Variants in EVPL observed in about 807,000 individuals in gnomAD.
The protein encoded by EVPL is 210 kDa cornified envelope precursor protein.
EVPL carries 94 observed loss-of-function variants against 129.7 expected under a neutral mutation model. That is an observed-to-expected ratio of 0.72 (90% CI 0.61 to 0.86). The LOEUF is 0.86. Among genes scored for constraint, EVPL ranks in the 40% least tolerant of loss-of-function variants. The probability of loss-of-function intolerance (pLI) is 0.00; values close to 1 mark genes in which losing one functional copy is unlikely to be tolerated. For missense variants in EVPL, 2,625 were observed against 2,721.1 expected, an observed-to-expected ratio of 0.96 and a Z score of 0.79; for synonymous variants, 1,172 against 1,191.1, an observed-to-expected ratio of 0.98 and a Z score of 0.33.
chr17:76,008,509 G>A lies in EVPL; in HGVS notation c.4696C>T (p.Arg1566Trp), dbSNP rs753898829. ...CAGGTTCTCCCCAGCGTCTCGGCCC[G>A]GTCAATGCGCTCCCGCAGGCGCCGT... ...EARRLRERID[R>W]AETLGRTWSR... is the part of the protein sequence containing the mutation. The change falls in exon 22 of 22, where the codon CGG (arginine) becomes TGG (tryptophan). Residue 1566 changes from arginine (R) to tryptophan (W), a missense_variant. Transcript: ENST00000301607. This position sits in a 1 kb window ranked among gnomAD's most constrained non-coding sequence, Gnocchi z 7.4. 7.0e-5 allele frequency: 112 copies of A among 1,604,434 alleles called. No homozygotes were observed. In the South Asian group the frequency reaches 1.2e-3, roughly 17 times the overall value.
chr17:76,021,838 C>T (rs2066462570), intron 7 of EVPL, 29 bp downstream of exon 7: 1 of 1,564,884 alleles, frequency 6.4e-7, no homozygotes, highest in Non-Finnish European at 8.6e-7. Context: ...CTGGCCGCCC[C>T]CACCTGGCCC....
At position 76,009,891 on chromosome 17, in the gene EVPL, C is replaced by G; in HGVS notation, c.3314G>C (p.Arg1105Pro). The G allele has an allele frequency of 6.2e-7, 1 of 1,614,134 alleles. No homozygotes were observed. The highest frequency in any genetic ancestry group is 2.2e-5 in the East Asian group (1 of 44,880). The change falls in exon 22 of 22, where the codon CGG (arginine) becomes CCG (proline). Residue 1105 changes from arginine to proline, a missense_variant. Around this residue, in one of 4 missense-constraint regions of EVPL, gnomAD observed 1,453 missense variants for 1,511.8 expected, o/e 0.96. Coordinates refer to ENST00000301607, the MANE Select transcript of EVPL (RefSeq NM_001988.4). The surrounding 1 kb of genome is among the most constrained non-coding windows in gnomAD (Gnocchi z 5.9). ...LRLQMEEDAARRKQAEEAVAK... is the reference protein window; with the variant it reads ...LRLQMEEDAAPRKQAEEAVAK... ...CACAGCCTCCTCCGCCTGCTTCCTC[C>G]GCGCAGCATCCTCCTCCATCTGCAG...
rs1298730990 is a variant in EVPL at position 76,008,678 on chromosome 17, G to A, written c.4527C>T (p.Leu1509=). ...TCTTCTCCTGCGATTTGGCTTTCTGGAGGACGTCAATCTGGACCTGCAGGT... is the reference window on the plus strand; with the variant it reads ...TCTTCTCCTGCGATTTGGCTTTCTGAAGGACGTCAATCTGGACCTGCAGGT... The part of the protein sequence containing the change: ...CKNLQVQIDV[L]QKAKSQEKTI... Residue 1509 remains leucine (L), a synonymous_variant, in exon 22 of 22, where the codon CTC becomes CTT. Coordinates refer to ENST00000301607, the MANE Select transcript of EVPL (RefSeq NM_001988.4). This position sits in a 1 kb window ranked among gnomAD's most constrained non-coding sequence, Gnocchi z 7.4. 1 of 1,612,924 alleles carries A rather than the reference G, an allele frequency of 6.2e-7. No homozygotes were observed. The highest frequency in any genetic ancestry group is 1.7e-5 in the Admixed American group (1 of 60,016).
chr17:76,015,866 G>A (rs934963341), intron 14 of EVPL, among the ~76,000 whole-genome samples: 1 of 152,204 alleles, frequency 6.6e-6, no homozygotes, highest in African/African-American at 2.4e-5. Flanking sequence ...AGGAGGGGCC[G>A]GGCGCAGTGG....
chr17:76,007,487 G>C lies in EVPL; in HGVS notation c.5718C>G (p.Ile1906Met), dbSNP rs777708208. 2 of 1,612,500 alleles carry C rather than the reference G, an allele frequency of 1.2e-6. No homozygotes were observed. The highest frequency in any genetic ancestry group is 2.7e-5 in the African/African-American group (2 of 74,878). ...LLNAQKAFTGIEDPVTKKRLS... is the reference protein window; with the variant it reads ...LLNAQKAFTGMEDPVTKKRLS... ...GCCTCTTCTTGGTGACGGGGTCCTC[G>C]ATGCCGGTGAAGGCCTTCTGGGCGT... The change falls in exon 22 of 22, where the codon ATC becomes ATG. Residue 1906 changes from isoleucine to methionine, a missense_variant. Around this residue, in one of 4 missense-constraint regions of EVPL, gnomAD observed 1,453 missense variants for 1,511.8 expected, o/e 0.96. Transcript: ENST00000301607. This position sits in a 1 kb window ranked among gnomAD's most constrained non-coding sequence, Gnocchi z 8.8.
At chr17:76,011,325 C>T (rs2066374733) in intron 21 of EVPL, among the ~76,000 whole-genome samples, 1 of 152,190 alleles carries the variant, frequency 6.6e-6, no homozygotes, top group African/African-American at 2.4e-5. Context: ...GGAGGATGCC[C>T]AGTGGCCATG....
At chr17:76,010,835 C>A (rs555555514) in intron 21 of EVPL, among the ~76,000 whole-genome samples, 1 of 152,146 alleles carries the variant, frequency 6.6e-6, no homozygotes, top group Non-Finnish European at 1.5e-5. Flanking sequence ...CCAAGGTGGG[C>A]GGATCACCTG....
At chr17:76,012,768 G>A (rs1384408661) in intron 18 of EVPL, among the ~76,000 whole-genome samples, 3 of 145,854 alleles carry the variant, frequency 2.1e-5, no homozygotes, top group Non-Finnish European at 3.0e-5. Context: ...TTTTTGAGAC[G>A]GAGTCTTGCT....
In EVPL at chr17:76,008,744, C is replaced by T. The variant is rs1268762342; in HGVS notation, c.4461G>A (p.Gln1487=). ...STEALRWDLD[Q]EKTQVTELNR... ...TCAGCTCGGTTACCTGGGTCTTCTC[C>T]TGGTCCAGGTCCCACCGCAGGGCTT... Residue 1487 remains glutamine, a synonymous_variant, in exon 22 of 22, where the codon CAG becomes CAA. Coordinates refer to ENST00000301607, the MANE Select transcript of EVPL (RefSeq NM_001988.4). This position sits in a 1 kb window ranked among gnomAD's most constrained non-coding sequence, Gnocchi z 7.4. The T allele has an allele frequency of 3.7e-6, 6 of 1,614,160 alleles. No homozygotes were observed. The highest frequency in any genetic ancestry group is 5.1e-6 in the Non-Finnish European group (6 of 1,180,040).
chr17:76,025,463 G>A, intron 1 of EVPL, among the ~76,000 whole-genome samples: 1 of 152,178 alleles, frequency 6.6e-6, no homozygotes, highest in East Asian at 1.9e-4. Context: ...CCCAGGCCAG[G>A]AGCGCACTGC....
chr17:76,012,767 C>T (rs1188518906), intron 18 of EVPL, among the ~76,000 whole-genome samples: 7 of 129,194 alleles, frequency 5.4e-5, no homozygotes, highest in Non-Finnish European at 7.9e-5. Context: ...TTTTTTGAGA[C>T]GGAGTCTTGC....
intron 1 of EVPL, among the ~76,000 whole-genome samples, chr17:76,026,103 A>G (rs1237755823): frequency 6.6e-6 from 1 of 151,702 alleles, no homozygotes; most frequent in Non-Finnish European, 1.5e-5. Flanking sequence ...CACTACATCC[A>G]GATAATTTTT....
At chr17:76,010,577 G>A (rs1438728980) in intron 21 of EVPL, 34 bp from the exon 22 acceptor site, 3 of 1,570,176 alleles carry the variant, frequency 1.9e-6, no homozygotes, top group East Asian at 4.5e-5. Flanking sequence ...GCACGGGGTG[G>A]GCGGTAGAGA....
At chr17:76,021,609 C>CCCCG in intron 8 of EVPL, 46 bp from the exon 9 acceptor site, 1 of 1,283,922 alleles carries the variant, frequency 7.8e-7, no homozygotes, top group Non-Finnish European at 1.0e-6. Flanking sequence ...CCCCCCACGT[C>CCCCG]CGCCCCACCT....
At chr17:76,021,608 T>TGCCCCCC in intron 8 of EVPL, 45 bp from the exon 9 acceptor site, 1 of 1,172,452 alleles carries the variant, frequency 8.5e-7, no homozygotes, top group Non-Finnish European at 1.1e-6. Context: ...CCCCCCCACG[T>TGCCCCCC]CCGCCCCACC....
In EVPL at chr17:76,015,502, C is replaced by T. The variant is rs377661072; in HGVS notation, c.1837G>A (p.Val613Met). 7 of 1,613,138 alleles carry T rather than the reference C, an allele frequency of 4.3e-6. No individual in the cohort carries two copies. The South Asian group carries it at 7.7e-5, about 18-fold the overall frequency. Residue 613 changes from valine (V) to methionine (M), a missense_variant, in exon 15 of 22, where the codon GTG becomes ATG. Coordinates refer to ENST00000301607, the MANE Select transcript of EVPL (RefSeq NM_001988.4). Reference sequence around the variant, plus strand: ...TGCACGTCACTGAACTTGTTCTTCACGCTGTTGAGGGCTACGGGCAGCTGC... The same window carrying T: ...TGCACGTCACTGAACTTGTTCTTCATGCTGTTGAGGGCTACGGGCAGCTGC... ...ALQLPVALNS[V>M]KNKFSDVQVL...
chr17:76,008,460 T>C lies in EVPL; in HGVS notation c.4745A>G (p.Gln1582Arg). ...CTGGTCGGCCTGGTCCCGGGCCCTC[T>C]GCAGCTCGGACTCCTCCCGGGACCA... is the stretch of plus-strand genomic sequence containing the variant. Reference protein sequence around the residue: ...RTWSREESELQRARDQADQEC... With the variant: ...RTWSREESELRRARDQADQEC... Residue 1582 changes from glutamine to arginine, a missense_variant, in exon 22 of 22, where the codon CAG becomes CGG. Gln to Arg is a conservative substitution (Grantham distance 43). Coordinates refer to ENST00000301607, the MANE Select transcript of EVPL (RefSeq NM_001988.4). This position sits in a 1 kb window ranked among gnomAD's most constrained non-coding sequence, Gnocchi z 7.4. 18 of 1,595,084 alleles carry C rather than the reference T, an allele frequency of 1.1e-5. No individual in the cohort carries two copies. Among genetic ancestry groups the C allele is most frequent in the Non-Finnish European group, 1.5e-5 (18 of 1,176,092 alleles).
chr17:76,019,385 T>G, intron 10 of EVPL, 143 bp downstream of exon 10: 7 of 1,121,468 alleles, frequency 6.2e-6, no homozygotes, highest in Non-Finnish European at 8.5e-6. Context: ...GCCAGCCTCC[T>G]GCTAGAGTAA....
rs765106819 is a variant in EVPL at position 76,023,559 on chromosome 17, G to C, written c.294C>G (p.Phe98Leu). 2 of 1,613,354 alleles carry C rather than the reference G, an allele frequency of 1.2e-6. No individual in the cohort carries two copies. Among genetic ancestry groups the C allele is most frequent in the Non-Finnish European group, 1.7e-6 (2 of 1,179,972 alleles). ...KEAEVLLKDLFLDVDKARRLK... is the reference protein window; with the variant it reads ...KEAEVLLKDLLLDVDKARRLK... ...GCCGCCGGGCCTTGTCCACGTCCAG[G>C]AAGAGGTCCTTGAGCAGCACCTCAG... Residue 98 changes from phenylalanine (F) to leucine (L), a missense_variant, in exon 3 of 22, where the codon TTC becomes TTG. Coordinates refer to ENST00000301607, the MANE Select transcript of EVPL (RefSeq NM_001988.4).
Sources: allele counts gnomAD v4.1 joint callset (sites outside exome capture counted in the v4.1 genomes callset), GRCh38; gene constraint gnomAD v4.1.1; regional missense constraint gnomAD v4.1.1; non-coding constraint Gnocchi (gnomAD v3.1); transcripts MANE v1.5; gene names NCBI Gene and HGNC (gene_info 2026-07-23, HGNC 2026-07-21).